The following TPD52L2 variants were observed in gnomAD, a reference collection of about 807,000 sequenced individuals.
TPD52L2 encodes the protein TPD52 like 2, also known as tumor protein D54.
Under a neutral mutation model 24.7 loss-of-function variants are expected in TPD52L2, and 19 were observed. The observed-to-expected ratio is 0.77, with a 90% confidence interval of 0.54 to 1.13. TPD52L2 has a LOEUF of 1.13. Ranked by LOEUF, TPD52L2 falls within the 50% of genes most tolerant of loss-of-function variation. The probability of loss-of-function intolerance (pLI) is 0.00; values close to 1 mark genes in which losing one functional copy is unlikely to be tolerated. For synonymous variants in TPD52L2, 104 were observed against 100.2 expected, an observed-to-expected ratio of 1.04 and a Z score of -0.23; for missense variants, 236 against 250.4, an observed-to-expected ratio of 0.94 and a Z score of 0.39.
intron 5 of TPD52L2, among the ~76,000 whole-genome samples, chr20:63,885,362 C>T (rs767421881): frequency 1.2e-4 from 18 of 152,320 alleles, no homozygotes; most frequent in Admixed American, 2.6e-4. Flanking sequence ...CTCAGGACCT[C>T]GGGCGAGTTG....
At chr20:63,870,613 AC>A (rs2052426449) in intron 2 of TPD52L2, among the ~76,000 whole-genome samples, 1 of 129,160 alleles carries the variant, frequency 7.7e-6, no homozygotes, top group Non-Finnish European at 1.6e-5. Flanking sequence ...AACCTCCAAC[AC>A]CCGGGTTCAC....
chr20:63,872,811 C>G (rs538198358), intron 2 of TPD52L2, among the ~76,000 whole-genome samples: 3 of 149,342 alleles, frequency 2.0e-5, no homozygotes, highest in Non-Finnish European at 4.5e-5. Context: ...TCACACCATT[C>G]TCCTGCCTCA....
In TPD52L2 at chr20:63,888,971, C is replaced by T. The variant is rs1022019313; in HGVS notation, c.477-219C>T. On this transcript the variant is annotated intron_variant, in intron 5 of 6. Transcript: ENST00000346249. The stretch of plus-strand genomic sequence containing the variant: ...AGGGGTTTCCAGTTGCCTTGTGTGA[C>T]GTCTGGACCTGTCCCTGTGGTTGTT... 22 of 598,550 alleles carry T rather than the reference C, an allele frequency of 3.7e-5. No individual in the cohort carries two copies. The Admixed American group carries it at 4.3e-4, about 12-fold the overall frequency. 37.1% of individuals were successfully genotyped at this position (598,550 alleles called of 1,614,324 possible).
intron 5 of TPD52L2, chr20:63,887,173 G>A: frequency 2.9e-6 from 1 of 341,418 alleles, no homozygotes; most frequent in Non-Finnish European, 5.6e-6. Flanking sequence ...GAGGTCTAGA[G>A]CCAGGCCCAG....
rs191516983 is a variant in TPD52L2, at chr20:63,876,011, T to C, written c.374+136T>C. 3.5e-6 allele frequency: 3 copies of C among 868,568 alleles called. No individual in the cohort carries two copies. The East Asian group carries it at 7.8e-5, about 23-fold the overall frequency. The allele number at this position is 868,568 out of a possible 1,614,324, so 53.8% of individuals were successfully genotyped here. A position where few individuals can be genotyped will look rare whatever the true frequency, so the allele number is the denominator to read the frequency against. On this transcript the variant is annotated intron_variant, in intron 4 of 6. Transcript: ENST00000346249. ...GGCTATTTTTTCTTCCTATAACTTT[T>C]CTTCTCTCAGGTAAACTATCCTTTA...
chr20:63,870,126 C>T (rs2052402627), intron 2 of TPD52L2, among the ~76,000 whole-genome samples: 1 of 152,074 alleles, frequency 6.6e-6, no homozygotes, highest in South Asian at 2.1e-4. Flanking sequence ...GACCCTGTCT[C>T]AAAAACAAAA....
At chr20:63,884,317 C>T (rs114547362) in intron 5 of TPD52L2, among the ~76,000 whole-genome samples, 126 of 152,246 alleles carry the variant, frequency 8.3e-4, no homozygotes, top group African/African-American at 2.8e-3. Context: ...GTTTTCTTCC[C>T]GAAAATGCTG....
intron 2 of TPD52L2, among the ~76,000 whole-genome samples, chr20:63,870,864 C>T (rs1296962707): frequency 2.0e-5 from 3 of 151,590 alleles, no homozygotes; most frequent in Non-Finnish European, 2.9e-5. Flanking sequence ...ATTACAGGCG[C>T]GTGCCTCCCT....
At chr20:63,876,638 G>C in intron 4 of TPD52L2, 1 of 397,736 alleles carries the variant, frequency 2.5e-6, no homozygotes. Flanking sequence ...CGTTGCCACA[G>C]AACATGGGCA....
At chr20:63,865,735 CT>C (rs1438451535) in intron 1 of TPD52L2, among the ~76,000 whole-genome samples, 1 of 140,376 alleles carries the variant, frequency 7.1e-6, no homozygotes, top group Non-Finnish European at 1.5e-5. Flanking sequence ...CTCTTGCTTG[CT>C]CTGCCACCCC....
In TPD52L2 at chr20:63,867,757, A is replaced by G. The variant is rs565661238; in HGVS notation, c.20-1539A>G. 1.1e-3 allele frequency among the ~76,000 whole-genome samples: 167 copies of G among 151,262 alleles called. 1 individual carries two copies. The highest frequency in any genetic ancestry group is 3.6e-3 in the African/African-American group (151 of 41,388). ...TGGTGTCTTTGTGTTGTCTTTTAAA[A>G]GGCATAGTTTTTTTTTCTTTTTCTT... On this transcript the variant is annotated intron_variant, in intron 1 of 6. Coordinates refer to ENST00000346249, the MANE Select transcript of TPD52L2 (RefSeq NM_003288.4).
chr20:63,865,673 G>C (rs2052191700), intron 1 of TPD52L2, among the ~76,000 whole-genome samples: 1 of 151,778 alleles, frequency 6.6e-6, no homozygotes, highest in South Asian at 2.1e-4. Flanking sequence ...CCCGTAGTTT[G>C]GGTTCTGTCG....
chr20:63,869,045 C>T (rs138361064), intron 1 of TPD52L2, among the ~76,000 whole-genome samples: 100 of 152,330 alleles, frequency 6.6e-4, no homozygotes, highest in African/African-American at 2.3e-3. Context: ...TTCGGGTTTG[C>T]CTGCCTTGGG....
At chr20:63,869,175 G>A (rs956145189) in intron 1 of TPD52L2, 121 bp from the exon 2 acceptor site, 2 of 1,099,878 alleles carry the variant, frequency 1.8e-6, no homozygotes, top group Admixed American at 3.5e-5. Context: ...TCAGAGAAGA[G>A]GTGTTAGTCT....
At chr20:63,880,439 G>C (rs573684392) in intron 4 of TPD52L2, among the ~76,000 whole-genome samples, 17 of 152,094 alleles carry the variant, frequency 1.1e-4, no homozygotes, top group Non-Finnish European at 5.9e-5. Flanking sequence ...TGCAGGTGCA[G>C]CTTCCCCATC....
intron 4 of TPD52L2, among the ~76,000 whole-genome samples, chr20:63,878,156 C>T (rs541773846): frequency 1.3e-5 from 2 of 152,388 alleles, no homozygotes; most frequent in Admixed American, 1.3e-4. Flanking sequence ...TAAAAGCTCC[C>T]TGCATCCTGA....
rs1351737462 is a variant in TPD52L2 at position 63,873,561 on chromosome 20, G to A, written c.166-107G>A. On this transcript the variant is annotated intron_variant, in intron 2 of 6. Transcript: ENST00000346249. ...GCTGTTATTCCTAGGACGAGTTAATGCTTTGGTAAGCGGAAAGTTCTTGTG... is the reference window on the plus strand; with the variant it reads ...GCTGTTATTCCTAGGACGAGTTAATACTTTGGTAAGCGGAAAGTTCTTGTG... The A allele has an allele frequency of 3.1e-6, 4 of 1,292,388 alleles. No individual in the cohort carries two copies. In the Admixed American group the frequency reaches 1.2e-4, roughly 37 times the overall value. The allele number at this position is 1,292,388 out of a possible 1,614,324, so 80.1% of individuals were successfully genotyped here. A position where few individuals can be genotyped will look rare whatever the true frequency, so the allele number is the denominator to read the frequency against.
rs138258221 is a variant in TPD52L2 at position 63,877,875 on chromosome 20, C to T, written c.374+2000C>T. Among the ~76,000 whole-genome samples, 77 of 151,804 alleles carry T rather than the reference C, an allele frequency of 5.1e-4. 1 individual carries two copies. In the East Asian group the frequency reaches 0.011, roughly 21 times the overall value. ...CTGCCGGGAAGGCCCAGGCCGAGGG[C>T]GATGGTTTCTGCCGGGACGGCCCAG... is the stretch of plus-strand genomic sequence containing the variant. On this transcript the variant is annotated intron_variant, in intron 4 of 6. Transcript: ENST00000346249. The surrounding 1 kb of genome is among the most constrained non-coding windows in gnomAD (Gnocchi z 4.1).
rs536765793 is a variant in TPD52L2, at chr20:63,865,278, T to G, written c.-88T>G. 6 of 1,408,232 alleles carry G rather than the reference T, an allele frequency of 4.3e-6. No homozygotes were observed. The African/African-American group carries it at 4.5e-5, about 11-fold the overall frequency. 87.2% of individuals were successfully genotyped at this position (1,408,232 alleles called of 1,614,324 possible). On this transcript the variant is annotated 5_prime_UTR_variant, in exon 1 of 7. Transcript: ENST00000346249. ...CGCCGCGGAGCTGAGGCAGTTCCGCTGGCTAGTGTGTACGCGGCGAGCTTC... is the reference window on the plus strand; with the variant it reads ...CGCCGCGGAGCTGAGGCAGTTCCGCGGGCTAGTGTGTACGCGGCGAGCTTC...
Sources: gnomAD v4.1 joint callset for allele counts (sites outside exome capture counted in the v4.1 genomes callset) on GRCh38, gnomAD v4.1.1 for gene constraint, Gnocchi (gnomAD v3.1) non-coding constraint, MANE v1.5 for transcripts, NCBI Gene and HGNC (gene_info 2026-07-23, HGNC 2026-07-21) for gene names.